The following SORCS2 variants were observed in gnomAD, a reference collection of about 807,000 sequenced individuals.
SORCS2 encodes VPS10 domain-containing receptor SorCS2.
In SORCS2, 100 loss-of-function variants were observed where a neutral mutation model predicts 141.6. The ratio of observed to expected loss-of-function variants is 0.71; its 90% confidence interval spans 0.60 to 0.83. SORCS2 has a LOEUF of 0.83. SORCS2 is among the 40% of genes least tolerant of loss of function. SORCS2 has a pLI of 0.00. For missense variants in SORCS2, 1,646 were observed against 1,560.2 expected, an observed-to-expected ratio of 1.05 and a Z score of -0.93; for synonymous variants, 789 against 676.9, an observed-to-expected ratio of 1.17 and a Z score of -2.57.
intron 2 of SORCS2, among the ~76,000 whole-genome samples, chr4:7,449,512 C>T (rs1000046377): frequency 2.0e-5 from 3 of 150,502 alleles, no homozygotes; most frequent in Non-Finnish European, 4.4e-5. Context: ...CCTCTGGTCT[C>T]CCTGCCTGTG....
At chr4:7,320,255 G>T (rs1718816494) in intron 1 of SORCS2, among the ~76,000 whole-genome samples, 1 of 152,200 alleles carries the variant, frequency 6.6e-6, no homozygotes, top group Non-Finnish European at 1.5e-5. Context: ...AAACGCTGGG[G>T]AACACTACTT....
At chr4:7,204,080 T>G in intron 1 of SORCS2, among the ~76,000 whole-genome samples, 1 of 152,292 alleles carries the variant, frequency 6.6e-6, no homozygotes, top group African/African-American at 2.4e-5. Flanking sequence ...GGCGTTTGGG[T>G]TGTTTCCACC....
chr4:7,487,440 T>C, intron 2 of SORCS2, among the ~76,000 whole-genome samples: 1 of 152,230 alleles, frequency 6.6e-6, no homozygotes, highest in Admixed American at 6.5e-5. Context: ...TTGTCTGGGC[T>C]GCCCTCAGAA....
intron 3 of SORCS2, among the ~76,000 whole-genome samples, chr4:7,606,989 A>G (rs1021141358): frequency 6.6e-6 from 1 of 152,182 alleles, no homozygotes; most frequent in Admixed American, 6.5e-5. Flanking sequence ...GATAAGTCCT[A>G]CACTTTATAT....
intron 4 of SORCS2, among the ~76,000 whole-genome samples, chr4:7,650,287 G>A (rs1721348698): frequency 6.6e-6 from 1 of 152,222 alleles, no homozygotes; most frequent in African/African-American, 2.4e-5. Context: ...ACCTTGAGAG[G>A]CAAAGGGCCC....
chr4:7,438,955 G>A (rs1219579014), intron 2 of SORCS2, among the ~76,000 whole-genome samples: 1 of 151,990 alleles, frequency 6.6e-6, no homozygotes, highest in African/African-American at 2.4e-5. Flanking sequence ...TCCTTCTTTG[G>A]CACTTCTGTA....
intron 1 of SORCS2, among the ~76,000 whole-genome samples, chr4:7,218,433 GAA>G (rs939703998): frequency 2.0e-5 from 3 of 152,208 alleles, no homozygotes; most frequent in African/African-American, 7.2e-5. Context: ...ATTTTTGCCT[GAA>G]AAGTTTTTTT....
intron 1 of SORCS2, among the ~76,000 whole-genome samples, chr4:7,226,115 TC>T (rs1728977262): frequency 6.6e-6 from 1 of 152,120 alleles, no homozygotes; most frequent in Non-Finnish European, 1.5e-5. Flanking sequence ...GCCTCTGATC[TC>T]CAGGGATGGC....
intron 1 of SORCS2, among the ~76,000 whole-genome samples, chr4:7,366,187 G>A (rs1053066009): frequency 1.3e-5 from 2 of 152,072 alleles, no homozygotes; most frequent in African/African-American, 4.8e-5. Context: ...AGGTGAGGAA[G>A]GAGAGGCTGG....
intron 2 of SORCS2, among the ~76,000 whole-genome samples, chr4:7,461,471 T>C (rs1240894879): frequency 6.6e-6 from 1 of 152,228 alleles, no homozygotes; most frequent in Non-Finnish European, 1.5e-5. Context: ...GGGAAACCTG[T>C]AGCACCCCCG....
intron 3 of SORCS2, among the ~76,000 whole-genome samples, chr4:7,550,458 G>A (rs997424075): frequency 7.2e-5 from 11 of 152,200 alleles, no homozygotes; most frequent in Non-Finnish European, 1.3e-4. Flanking sequence ...GCAGCCAGGC[G>A]GCTTTGGTGG....
At chr4:7,205,150 T>C (rs1727666397) in intron 1 of SORCS2, among the ~76,000 whole-genome samples, 1 of 152,200 alleles carries the variant, frequency 6.6e-6, no homozygotes, top group African/African-American at 2.4e-5. Context: ...GGCATCCACT[T>C]TGAGTCCTGC....
At chr4:7,514,864 G>A (rs1393909796) in intron 2 of SORCS2, among the ~76,000 whole-genome samples, 3 of 152,116 alleles carry the variant, frequency 2.0e-5, no homozygotes, top group Non-Finnish European at 4.4e-5. Context: ...ACCATCAATG[G>A]GACTGCTGGC....
rs983803192 is a variant in SORCS2, at chr4:7,381,624, T to A, written c.481-14664T>A. 7.9e-5 allele frequency among the ~76,000 whole-genome samples: 12 copies of A among 152,288 alleles called. No homozygotes were observed. In the East Asian group the frequency reaches 2.3e-3, roughly 29 times the overall value. On this transcript the variant is annotated intron_variant, in intron 1 of 26. Transcript: ENST00000507866. ...GAACCCCTCAGGCAGCCAACTCTCTTACTCACAGAATGATGTAAACCTTCT... is the reference window on the plus strand; with the variant it reads ...GAACCCCTCAGGCAGCCAACTCTCTAACTCACAGAATGATGTAAACCTTCT...
At chr4:7,593,733 TG>T (rs1717071893) in intron 3 of SORCS2, among the ~76,000 whole-genome samples, 2 of 152,214 alleles carry the variant, frequency 1.3e-5, no homozygotes, top group Non-Finnish European at 2.9e-5. Flanking sequence ...GGGTGCCGCT[TG>T]CCAGCCAGCA....
intron 1 of SORCS2, chr4:7,310,548 G>A (rs1718118601): frequency 6.5e-6 from 1 of 154,256 alleles, no homozygotes; most frequent in Non-Finnish European, 1.5e-5. Context: ...AATGGTTTGT[G>A]AACCACCATA....
At chr4:7,610,582 G>T (rs189176827) in intron 3 of SORCS2, among the ~76,000 whole-genome samples, 1 of 152,218 alleles carries the variant, frequency 6.6e-6, no homozygotes, top group African/African-American at 2.4e-5. Flanking sequence ...TCCACCTGGG[G>T]TGGGGCTTGG....
intron 2 of SORCS2, among the ~76,000 whole-genome samples, chr4:7,511,013 C>T (rs76878421): frequency 0.018 from 2,734 of 152,262 alleles, 85 homozygotes; most frequent in African/African-American, 0.063. Context: ...AAGAGAAGGC[C>T]ACATATGGTC....
chr4:7,500,878 C>T (rs936827321), intron 2 of SORCS2, among the ~76,000 whole-genome samples: 7 of 152,270 alleles, frequency 4.6e-5, no homozygotes, highest in African/African-American at 1.7e-4. Flanking sequence ...GGGCAGCCCC[C>T]GCAGAATGAA....
Sources: gnomAD v4.1 joint callset for allele counts (sites outside exome capture counted in the v4.1 genomes callset) on GRCh38, gnomAD v4.1.1 for gene constraint, MANE v1.5 for transcripts, NCBI Gene and HGNC (gene_info 2026-07-23, HGNC 2026-07-21) for gene names.